GSS: variants seen among roughly 807,000 people sequenced by gnomAD.
GSS encodes the protein glutathione synthetase, also known as GSH synthetase.
GSS carries 34 observed loss-of-function variants against 60.4 expected under a neutral mutation model. That is an observed-to-expected ratio of 0.56 (90% confidence interval 0.43 to 0.75). The LOEUF is 0.75. GSS is among the 30% of genes least tolerant of loss of function. The pLI is 0.00. For missense variants in GSS, 499 were observed against 595.1 expected (o/e 0.84, Z 1.68); for synonymous variants, 224 against 239.0 (o/e 0.94, Z 0.58).
At position 34,943,086 on chromosome 20, in the gene GSS, C is replaced by G; in HGVS notation, c.276-80G>C. 4.4e-6 allele frequency: 4 copies of G among 903,780 alleles called. No individual in the cohort carries two copies. In the South Asian group the frequency reaches 5.6e-5, roughly 13 times the overall value. 56.0% of individuals were successfully genotyped at this position (903,780 alleles called of 1,614,324 possible). ...GGAGTCCCATCCTCAGTCATTGACT[C>G]CTGAATCCTCTCTGAGTCTACTGGC... On this transcript the variant is annotated intron_variant, in intron 3 of 12. Transcript: ENST00000651619.
intron 3 of GSS, among the ~76,000 whole-genome samples, chr20:34,945,311 C>T (rs964795745): frequency 7.3e-5 from 11 of 151,588 alleles, no homozygotes; most frequent in Non-Finnish European, 8.8e-5. Flanking sequence ...GCCTGAGCCA[C>T]CGCGCCCAGC....
chr20:34,934,762 T>A (rs1232041939), intron 9 of GSS, among the ~76,000 whole-genome samples: 1 of 152,032 alleles, frequency 6.6e-6, no homozygotes, highest in Non-Finnish European at 1.5e-5. Flanking sequence ...GCCCCCTCAG[T>A]TTTCTAGTGT....
At chr20:34,930,411 T>A (rs2081391848) in intron 11 of GSS, among the ~76,000 whole-genome samples, 1 of 152,094 alleles carries the variant, frequency 6.6e-6, no homozygotes, top group Non-Finnish European at 1.5e-5. Flanking sequence ...ACCTTCCTAC[T>A]CCCAATCAGG....
chr20:34,950,918 G>T (rs11167248), intron 2 of GSS, among the ~76,000 whole-genome samples: 28,910 of 152,024 alleles, frequency 0.19, 2,841 homozygotes, highest in Middle Eastern at 0.32. Context: ...AATTAAAAAA[G>T]ATTTTATTTT....
intron 1 of GSS, 109 bp downstream of exon 1, chr20:34,955,618 C>T (rs950997811): frequency 2.0e-5 from 3 of 152,358 alleles, no homozygotes; most frequent in Non-Finnish European, 1.5e-5. Flanking sequence ...GTTTCAGCCA[C>T]AAGGTCTCCC....
chr20:34,929,016 G>A, intron 12 of GSS, 65 bp from the exon 13 acceptor site: 1 of 1,600,160 alleles, frequency 6.2e-7, no homozygotes, highest in Non-Finnish European at 8.5e-7. Context: ...GACCTTCCCT[G>A]GACCCAGCTG....
upstream of GSS, chr20:34,956,015 T>A (rs2081629595): frequency 1.3e-5 from 2 of 152,338 alleles, no homozygotes; most frequent in Non-Finnish European, 1.5e-5. Context: ...CGGGTATGCA[T>A]AGCTCATAGA....
At chr20:34,945,060 G>A (rs865915020) in intron 3 of GSS, among the ~76,000 whole-genome samples, 1 of 150,568 alleles carries the variant, frequency 6.6e-6, no homozygotes. Context: ...TCGCTCTGTC[G>A]CCCAGGCTGG....
chr20:34,939,702 C>CTCTG (rs2081468538), intron 6 of GSS, among the ~76,000 whole-genome samples: 1 of 149,764 alleles, frequency 6.7e-6, no homozygotes, highest in South Asian at 2.1e-4. Flanking sequence ...TGGAGTCTCG[C>CTCTG]TCTGTCGCCC....
At chr20:34,954,183 G>C (rs1379747161) in intron 1 of GSS, 1 of 152,198 alleles carries the variant, frequency 6.6e-6, no homozygotes, top group African/African-American at 2.4e-5. Flanking sequence ...CTTTTATTTA[G>C]TTGGCAAACA....
Position 34,929,571 on chromosome 20 carries a change from C to G in GSS, c.1131G>C (p.Glu377Asp), listed in dbSNP as rs1162104907. ...GCTGTTTCAGGGCCTGTACCATTTC[C>G]TCCCCATATAGGTTGTTACCTGCAA... is the stretch of plus-strand genomic sequence containing the variant. ...REGGGNNLYG[E>D]EMVQALKQLK... Residue 377 changes from glutamate to aspartate, a missense_variant, in exon 12 of 13, where the codon GAG becomes GAC. Physicochemically the swap from Glu to Asp is conservative, Grantham distance 45. Coordinates refer to ENST00000651619, the MANE Select transcript of GSS (RefSeq NM_000178.4). 6.2e-7 allele frequency: 1 copy of G among 1,614,014 alleles called. No individual in the cohort carries two copies. The highest frequency in any genetic ancestry group is 8.5e-7 in the Non-Finnish European group (1 of 1,179,870).
At chr20:34,940,905 A>G (rs2081477136) in intron 6 of GSS, among the ~76,000 whole-genome samples, 1 of 152,214 alleles carries the variant, frequency 6.6e-6, no homozygotes, top group South Asian at 2.1e-4. Context: ...CACTCTTCAG[A>G]CCCAATCATA....
intron 10 of GSS, chr20:34,931,694 T>C (rs1438943517): frequency 1.1e-5 from 7 of 620,732 alleles, no homozygotes; most frequent in Admixed American, 1.1e-4. Flanking sequence ...CTTAGTCCCT[T>C]CCCTCTGGTT....
chr20:34,928,660 C>T lies in GSS; in HGVS notation c.*168G>A. ...GGATTTGGGGGCGTCTAGATCTCAT[C>T]TAAGGGAGACACAACTTTTCTGGTC... is the stretch of plus-strand genomic sequence containing the variant. On this transcript the variant is annotated 3_prime_UTR_variant, in exon 13 of 13. Coordinates refer to ENST00000651619, the MANE Select transcript of GSS (RefSeq NM_000178.4). 4.0e-6 allele frequency: 3 copies of T among 754,318 alleles called. No individual in the cohort carries two copies. In the South Asian group the frequency reaches 4.6e-5, roughly 12 times the overall value. 46.7% of individuals were successfully genotyped at this position (754,318 alleles called of 1,614,324 possible). A position where few individuals can be genotyped will look rare whatever the true frequency, so the allele number is the denominator to read the frequency against.
rs1398295063 is a variant in GSS, at chr20:34,928,656, T to G, written c.*172A>C. The G allele has an allele frequency of 8.2e-6, 6 of 728,804 alleles. No individual in the cohort carries two copies. The highest frequency in any genetic ancestry group is 1.2e-5 in the Non-Finnish European group (5 of 416,084). The allele number at this position is 728,804 out of a possible 1,614,324, so 45.1% of individuals were successfully genotyped here. On this transcript the variant is annotated 3_prime_UTR_variant, in exon 13 of 13. Transcript: ENST00000651619. ...TCAAGGATTTGGGGGCGTCTAGATC[T>G]CATCTAAGGGAGACACAACTTTTCT...
At chr20:34,953,741 G>A (rs536698636) in intron 1 of GSS, among the ~76,000 whole-genome samples, 9 of 151,112 alleles carry the variant, frequency 6.0e-5, no homozygotes, top group African/African-American at 1.9e-4. Context: ...TCAGCCTCCC[G>A]AGTAGCTGGG....
rs144955088 is a variant in GSS, at chr20:34,935,593, G to A, written c.817C>T (p.Arg273Cys). 1.1e-5 allele frequency: 18 copies of A among 1,612,428 alleles called. No individual in the cohort carries two copies. The highest frequency in any genetic ancestry group is 1.1e-4 in the African/African-American group (8 of 75,000). The change falls in exon 9 of 13, where the codon CGT (arginine) becomes TGT (cysteine). Residue 273 changes from arginine to cysteine, a missense_variant. Transcript: ENST00000651619. ...ATACCAACCTGTAGACTGTACTGAC[G>A]AGGCATGTAGCCATCCCGGAAGTAA... The part of the protein sequence containing the change: ...VVYFRDGYMP[R>C]QYSLQNWEAR...
intron 5 of GSS, among the ~76,000 whole-genome samples, chr20:34,942,138 T>C (rs1039808446): frequency 1.3e-5 from 2 of 152,042 alleles, no homozygotes; most frequent in Admixed American, 6.6e-5. Flanking sequence ...CTGCAGACCA[T>C]CTAAAATCAT....
In GSS at chr20:34,951,724, C is replaced by T; in HGVS notation, c.129G>A (p.Glu43=). ...CTGTGGGGAGGAGCTAGGGGCTTACCTCCGAGGAAGTGGGCTCCTGTGAGG... is the reference window on the plus strand; with the variant it reads ...CTGTGGGGAGGAGCTAGGGGCTTACTTCCGAGGAAGTGGGCTCCTGTGAGG... ...LRTSQEPTSS[E]VVSYAPFTLF... Residue 43 remains glutamate (E), a splice_region_variant and synonymous_variant, in exon 2 of 13, where the codon GAG becomes GAA. Coordinates refer to ENST00000651619, the MANE Select transcript of GSS (RefSeq NM_000178.4). 6.2e-7 allele frequency: 1 copy of T among 1,604,406 alleles called. No homozygotes were observed. Among genetic ancestry groups the T allele is most frequent in the Non-Finnish European group, 8.5e-7 (1 of 1,174,812 alleles).
Sources: gnomAD v4.1 joint callset for allele counts (sites outside exome capture counted in the v4.1 genomes callset) on GRCh38, gnomAD v4.1.1 for gene constraint, MANE v1.5 for transcripts, NCBI Gene and HGNC (gene_info 2026-07-23, HGNC 2026-07-21) for gene names.